Variants in DLGAP2 observed in about 807,000 individuals in gnomAD.
DLGAP2 encodes DLG associated protein 2, also known as disks large-associated protein 2.
A neutral mutation model predicts 100.3 loss-of-function variants in DLGAP2; 26 were observed. The ratio of observed to expected loss-of-function variants is 0.26; its 90% confidence interval spans 0.19 to 0.36. The LOEUF (loss-of-function observed/expected upper bound fraction) is 0.36, where lower values mean the gene tolerates loss of function less well. Among genes scored for constraint, DLGAP2 ranks in the 10% least tolerant of loss-of-function variants. DLGAP2 has a pLI of 1.00. For missense variants in DLGAP2, 1,858 were observed against 1,453.2 expected (o/e 1.28, Z -4.53); for synonymous variants, 886 against 630.1 (o/e 1.41, Z -6.08).
chr8:1,600,779 T>G (rs1014109354), intron 6 of DLGAP2, among the ~76,000 whole-genome samples: 3 of 152,216 alleles, frequency 2.0e-5, no homozygotes, highest in Admixed American at 6.5e-5. Context: ...TCCTGTAACC[T>G]TTTTTCAAGG....
At chr8:1,552,282 C>T (rs1801796609) in intron 5 of DLGAP2, among the ~76,000 whole-genome samples, 1 of 152,250 alleles carries the variant, frequency 6.6e-6, no homozygotes, top group Non-Finnish European at 1.5e-5. Context: ...TTTCATGGCG[C>T]TCGTTCACAA....
chr8:1,013,300 G>A (rs1375718922), intron 2 of DLGAP2, among the ~76,000 whole-genome samples: 1 of 152,168 alleles, frequency 6.6e-6, no homozygotes, highest in African/African-American at 2.4e-5. Flanking sequence ...GGATACAGTA[G>A]AGCTTTGAGC....
At chr8:1,608,765 C>T (rs1297963782) in intron 6 of DLGAP2, among the ~76,000 whole-genome samples, 4 of 148,500 alleles carry the variant, frequency 2.7e-5, no homozygotes, top group African/African-American at 4.9e-5. Flanking sequence ...GGAGCCGATG[C>T]GATCAACTGG....
At chr8:1,325,375 C>T (rs1215184434) in intron 3 of DLGAP2, among the ~76,000 whole-genome samples, 1 of 152,214 alleles carries the variant, frequency 6.6e-6, no homozygotes, top group Non-Finnish European at 1.5e-5. Flanking sequence ...GGGGCGTCCT[C>T]CCACCTCCAG....
intron 1 of DLGAP2, among the ~76,000 whole-genome samples, chr8:767,591 G>T (rs911089570): frequency 6.6e-6 from 1 of 152,080 alleles, no homozygotes; most frequent in Non-Finnish European, 1.5e-5. Flanking sequence ...TCCTGACCTC[G>T]TGATCCACGT....
rs143093356 is a variant in DLGAP2, at chr8:1,387,536, C to T, written c.107-113830C>T. Among the ~76,000 whole-genome samples, 633 of 152,132 alleles carry T rather than the reference C, an allele frequency of 4.2e-3. 15 individuals are homozygous for T. The highest frequency in any genetic ancestry group is 0.018 in the East Asian group (92 of 5,168). ...GAGAAGGACGGTGGTCGTGGTTGCA[C>T]GGCAGTGAGTGTATCTGACGCCACT... On this transcript the variant is annotated intron_variant, in intron 3 of 14. Transcript: ENST00000637795.
chr8:1,057,397 G>A (rs572536233), intron 2 of DLGAP2, among the ~76,000 whole-genome samples: 3 of 152,184 alleles, frequency 2.0e-5, no homozygotes, highest in African/African-American at 7.2e-5. Context: ...AATGCTGCAC[G>A]TATTTTCCAT....
chr8:1,240,602 C>T (rs62487812), intron 2 of DLGAP2, among the ~76,000 whole-genome samples: 99,776 of 145,666 alleles, frequency 0.68, 36,092 homozygotes, highest in Middle Eastern at 0.86. Flanking sequence ...CACATGGTGC[C>T]GTGTCTAGTT....
Position 1,334,920 on chromosome 8 carries a change from G to A in DLGAP2, c.106+76037G>A, listed in dbSNP as rs773463744. ...CTCCCCGCCTTGGCCCTCCCTGCGGGGCACAAGTTTGCCATCTCCCATCAG... is the reference window on the plus strand; with the variant it reads ...CTCCCCGCCTTGGCCCTCCCTGCGGAGCACAAGTTTGCCATCTCCCATCAG... On this transcript the variant is annotated intron_variant, in intron 3 of 14. Transcript: ENST00000637795. Among the ~76,000 whole-genome samples the A allele has an allele frequency of 2.2e-4, 34 of 152,270 alleles. 1 individual carries two copies. Among genetic ancestry groups the A allele is most frequent in the Non-Finnish European group, 2.5e-4 (17 of 68,024 alleles).
intron 4 of DLGAP2, among the ~76,000 whole-genome samples, chr8:1,526,632 G>C (rs538998009): frequency 1.3e-5 from 2 of 152,292 alleles, no homozygotes; most frequent in South Asian, 4.1e-4. Flanking sequence ...GAAGACAAAG[G>C]CTTTCTTCAT....
intron 2 of DLGAP2, among the ~76,000 whole-genome samples, chr8:1,046,667 C>G (rs142874486): frequency 6.6e-6 from 1 of 152,306 alleles, no homozygotes; most frequent in African/African-American, 2.4e-5. Context: ...TTGACTCTCT[C>G]CTTAGCATCA....
chr8:1,222,589 T>G (rs13263143), intron 2 of DLGAP2, among the ~76,000 whole-genome samples: 51,384 of 150,402 alleles, frequency 0.34, 9,125 homozygotes, highest in East Asian at 0.56. Context: ...GCAGGGGGAG[T>G]CTACAGGTAG....
intron 7 of DLGAP2, among the ~76,000 whole-genome samples, chr8:1,631,655 A>T (rs1797650562): frequency 6.6e-6 from 1 of 152,204 alleles, no homozygotes; most frequent in Non-Finnish European, 1.5e-5. Flanking sequence ...CTCTTTCTGC[A>T]GCCTGGCATG....
intron 3 of DLGAP2, among the ~76,000 whole-genome samples, chr8:1,292,693 C>T (rs1034827719): frequency 3.3e-5 from 5 of 152,158 alleles, no homozygotes; most frequent in African/African-American, 7.2e-5. Context: ...AGAAAGGTCG[C>T]GTGGATGGGG....
intron 3 of DLGAP2, among the ~76,000 whole-genome samples, chr8:1,335,757 T>C (rs950830353): frequency 6.6e-6 from 1 of 152,248 alleles, no homozygotes; most frequent in East Asian, 1.9e-4. Context: ...GTTTTGTTGC[T>C]ATGTTTATTT....
At chr8:771,912 TA>T (rs1563423424) in intron 1 of DLGAP2, among the ~76,000 whole-genome samples, 1 of 152,230 alleles carries the variant, frequency 6.6e-6, no homozygotes, top group East Asian at 1.9e-4. Context: ...TATTTCATTT[TA>T]TTTTTTTAGA....
intron 2 of DLGAP2, among the ~76,000 whole-genome samples, chr8:1,070,226 G>T (rs1337942813): frequency 6.6e-6 from 1 of 152,122 alleles, no homozygotes; most frequent in Non-Finnish European, 1.5e-5. Context: ...TGAGTTCTGT[G>T]TTGTCTTAAA....
At chr8:1,231,546 C>T (rs1338909759) in intron 2 of DLGAP2, among the ~76,000 whole-genome samples, 1 of 152,152 alleles carries the variant, frequency 6.6e-6, no homozygotes, top group Non-Finnish European at 1.5e-5. Context: ...CTATTCATTG[C>T]AGCACTACTC....
chr8:1,444,722 G>A (rs538193613), intron 3 of DLGAP2, among the ~76,000 whole-genome samples: 130 of 147,172 alleles, frequency 8.8e-4, no homozygotes, highest in Non-Finnish European at 1.6e-3. Context: ...GCTTACTCCT[G>A]TAGTAGGCAT....
Sources: gnomAD v4.1 joint callset for allele counts (sites outside exome capture counted in the v4.1 genomes callset) on GRCh38, gnomAD v4.1.1 for gene constraint, MANE v1.5 for transcripts, NCBI Gene and HGNC (gene_info 2026-07-23, HGNC 2026-07-21) for gene names.